LRP1B: variants seen among roughly 807,000 people sequenced by gnomAD.
LRP1B encodes the protein low-density lipoprotein receptor-related protein 1B.
In LRP1B, 217 loss-of-function variants were observed where a neutral mutation model predicts 556.6. That is an observed-to-expected ratio of 0.39 (90% CI 0.35 to 0.44). LRP1B has a LOEUF of 0.44. Among genes scored for constraint, LRP1B ranks in the 20% least tolerant of loss-of-function variants. LRP1B has a pLI of 1.00. For missense variants in LRP1B, 5,053 were observed against 5,620.8 expected, an observed-to-expected ratio of 0.90 and a Z score of 3.23; for synonymous variants, 2,047 against 1,865.8, an observed-to-expected ratio of 1.10 and a Z score of -2.50.
rs113397904 is a variant in LRP1B, at chr2:140,907,868, A to C, written c.3520+9T>G. 1 of 1,612,740 alleles carries C rather than the reference A, an allele frequency of 6.2e-7. No homozygotes were observed. Among genetic ancestry groups the C allele is most frequent in the Non-Finnish European group, 8.5e-7 (1 of 1,178,922 alleles). On this transcript the variant is annotated intron_variant, in intron 22 of 90. Transcript: ENST00000389484. The stretch of plus-strand genomic sequence containing the variant: ...CATGGAGAAGTCAGTACAATTAAAC[A>C]TGCAATACCACAGAGATAGCCTTCA...
intron 43 of LRP1B, among the ~76,000 whole-genome samples, chr2:140,587,849 G>C (rs1205006635): frequency 6.6e-6 from 1 of 152,082 alleles, no homozygotes; most frequent in Non-Finnish European, 1.5e-5. Context: ...CAGCGAGGGG[G>C]AAATGACATG....
chr2:141,123,091 G>A (rs1194187891), intron 7 of LRP1B, among the ~76,000 whole-genome samples: 1 of 152,008 alleles, frequency 6.6e-6, no homozygotes, highest in African/African-American at 2.4e-5. Flanking sequence ...ACACACCAGG[G>A]CCTGTCATGG....
rs558952963 is a variant in LRP1B at position 140,896,595 on chromosome 2, C to T, written c.3766+6325G>A. 2.0e-4 allele frequency among the ~76,000 whole-genome samples: 31 copies of T among 152,314 alleles called. 1 individual carries two copies. The highest frequency in any genetic ancestry group is 7.5e-4 in the African/African-American group (31 of 41,574). ...CTCCTGGGCTCAGCCAATGCTCCTG[C>T]CTCAGTCACCTGAGTAGCTGGGACC... On this transcript the variant is annotated intron_variant, in intron 23 of 90. Transcript: ENST00000389484.
At chr2:140,668,375 T>C (rs1685361028) in intron 41 of LRP1B, among the ~76,000 whole-genome samples, 1 of 147,732 alleles carries the variant, frequency 6.8e-6, no homozygotes, top group Non-Finnish European at 1.5e-5. Flanking sequence ...TATACATATA[T>C]ATTTATTATG....
chr2:140,257,098 G>A (rs899890166), intron 86 of LRP1B, among the ~76,000 whole-genome samples: 5 of 151,942 alleles, frequency 3.3e-5, no homozygotes, highest in African/African-American at 9.7e-5. Flanking sequence ...AAATTTTGCT[G>A]GTAAGCATAT....
chr2:141,927,279 GT>G (rs1425494228), intron 1 of LRP1B, among the ~76,000 whole-genome samples: 2 of 152,102 alleles, frequency 1.3e-5, no homozygotes, highest in African/African-American at 4.8e-5. Context: ...ATGGGTAAAT[GT>G]TGTGAATTTT....
chr2:141,289,090 G>T (rs945983250), intron 3 of LRP1B, among the ~76,000 whole-genome samples: 1 of 150,426 alleles, frequency 6.6e-6, no homozygotes, highest in African/African-American at 2.5e-5. Flanking sequence ...ATCTCTTAAA[G>T]AATGCAAATG....
intron 18 of LRP1B, among the ~76,000 whole-genome samples, chr2:140,969,226 C>A (rs1696331574): frequency 2.6e-5 from 4 of 152,172 alleles, no homozygotes; most frequent in Admixed American, 2.6e-4. Context: ...GTATTGGGTG[C>A]ATATATATTT....
At chr2:141,768,321 G>A (rs879474553) in intron 2 of LRP1B, among the ~76,000 whole-genome samples, 19 of 151,812 alleles carry the variant, frequency 1.3e-4, no homozygotes, top group East Asian at 1.9e-4. Flanking sequence ...AGCTCTTTTC[G>A]TTCTTGAGCC....
intron 41 of LRP1B, among the ~76,000 whole-genome samples, chr2:140,619,990 A>G (rs1683394913): frequency 2.6e-5 from 4 of 152,194 alleles, no homozygotes; most frequent in African/African-American, 9.6e-5. Flanking sequence ...AAAACCTGTC[A>G]AAGTTTAATG....
intron 3 of LRP1B, among the ~76,000 whole-genome samples, chr2:141,356,460 A>G (rs566570030): frequency 8.2e-4 from 125 of 152,198 alleles, no homozygotes; most frequent in African/African-American, 2.8e-3. Flanking sequence ...TCAAAAAAGT[A>G]TGGCAAATAC....
Position 140,716,811 on chromosome 2 carries a change from C to T in LRP1B, c.5764G>A (p.Asp1922Asn), listed in dbSNP as rs759977926. 2 of 1,584,072 alleles carry T rather than the reference C, an allele frequency of 1.3e-6. No homozygotes were observed. Among genetic ancestry groups the T allele is most frequent in the East Asian group, 4.5e-5 (2 of 44,398 alleles). Residue 1922 changes from aspartate to asparagine, a missense_variant, in exon 36 of 91, where the codon GAT (aspartate) becomes AAT (asparagine). Around this residue, in one of 5 missense-constraint regions of LRP1B, gnomAD observed 3,619 missense variants for 3,931.9 expected, o/e 0.92. Coordinates refer to ENST00000389484, the MANE Select transcript of LRP1B (RefSeq NM_018557.3). Reference sequence around the variant, plus strand: ...CCCATGTCTGTCCAGTAGATGGTATCATTTTCTATGGATAAGACACAGAAA... The same window carrying T: ...CCCATGTCTGTCCAGTAGATGGTATTATTTTCTATGGATAAGACACAGAAA... Reference protein sequence around the residue: ...AVGIDFHAENDTIYWTDMGFN... With the variant: ...AVGIDFHAENNTIYWTDMGFN...
chr2:142,052,460 G>A (rs1179000383), intron 1 of LRP1B, among the ~76,000 whole-genome samples: 1 of 152,090 alleles, frequency 6.6e-6, no homozygotes, highest in East Asian at 1.9e-4. Context: ...TATGAATAAT[G>A]ATTCTCTGCG....
intron 2 of LRP1B, among the ~76,000 whole-genome samples, chr2:141,571,190 CAGA>C (rs942770446): frequency 6.6e-6 from 1 of 150,998 alleles, no homozygotes; most frequent in Non-Finnish European, 1.5e-5. Context: ...TCAGAGGTCC[CAGA>C]AGAAGGAGCA....
chr2:140,414,829 G>T (rs1036514320), intron 66 of LRP1B, among the ~76,000 whole-genome samples: 1 of 152,048 alleles, frequency 6.6e-6, no homozygotes, highest in Non-Finnish European at 1.5e-5. Context: ...CGATCTTTAG[G>T]GAACGAGGGA....
At chr2:141,010,471 A>T (rs1260278907) in intron 14 of LRP1B, among the ~76,000 whole-genome samples, 1 of 151,972 alleles carries the variant, frequency 6.6e-6, no homozygotes, top group Non-Finnish European at 1.5e-5. Flanking sequence ...TTATCTATTT[A>T]TATCTACCTT....
chr2:141,946,969 T>A (rs1700970038), intron 1 of LRP1B, among the ~76,000 whole-genome samples: 1 of 152,128 alleles, frequency 6.6e-6, no homozygotes, highest in Non-Finnish European at 1.5e-5. Flanking sequence ...AGCAACATAA[T>A]AGAGCTGAAA....
chr2:140,988,131 G>A (rs966974943), intron 17 of LRP1B, among the ~76,000 whole-genome samples: 6 of 151,992 alleles, frequency 3.9e-5, no homozygotes, highest in African/African-American at 1.2e-4. Flanking sequence ...AAAGAGAAAT[G>A]ACCTTGGAGA....
Position 140,640,507 on chromosome 2 carries a change from C to G in LRP1B, c.6800-38868G>C, listed in dbSNP as rs866830663. ...GCCTCCCGGGTTCACGCCATTCTCC[C>G]GCCTCAGCCTCCCGAGTAGCTGGGA... On this transcript the variant is annotated intron_variant, in intron 41 of 90. Coordinates refer to ENST00000389484, the MANE Select transcript of LRP1B (RefSeq NM_018557.3). Among the ~76,000 whole-genome samples, 83 of 140,516 alleles carry G rather than the reference C, an allele frequency of 5.9e-4. 1 individual carries two copies. Among genetic ancestry groups the G allele is most frequent in the African/African-American group, 1.9e-3 (74 of 38,138 alleles). 92.2% of individuals were successfully genotyped at this position (140,516 alleles called of 152,430 possible).
Sources: allele counts gnomAD v4.1 joint callset (sites outside exome capture counted in the v4.1 genomes callset), GRCh38; gene constraint gnomAD v4.1.1; regional missense constraint gnomAD v4.1.1; transcripts MANE v1.5; gene names NCBI Gene and HGNC (gene_info 2026-07-23, HGNC 2026-07-21).